Variants in ACYP2 observed in about 807,000 individuals in gnomAD.
ACYP2 encodes acylphosphatase-2.
In ACYP2, 12 loss-of-function variants were observed where a neutral mutation model predicts 11.2. That is an observed-to-expected ratio of 1.08 (90% CI 0.69 to 1.74). ACYP2 has a LOEUF of 1.74. ACYP2 is among the 40% of genes most tolerant of loss of function. The probability of loss-of-function intolerance (pLI) is 0.00; values close to 1 mark genes in which losing one functional copy is unlikely to be tolerated. For synonymous variants in ACYP2, 43 were observed against 32.2 expected, an observed-to-expected ratio of 1.33 and a Z score of -1.13; for missense variants, 134 against 101.9, an observed-to-expected ratio of 1.31 and a Z score of -1.35.
At chr2:54,202,663 C>T (rs903418290) in intron 6 of ACYP2, among the ~76,000 whole-genome samples, 19 of 143,932 alleles carry the variant, frequency 1.3e-4, no homozygotes, top group African/African-American at 4.6e-4. Flanking sequence ...CTGCCTCAGT[C>T]TCCCAAAGTG....
In ACYP2 at chr2:54,288,700, C is replaced by T. The variant is rs756772672; in HGVS notation, c.405-15988C>T. Among the ~76,000 whole-genome samples, 14 of 152,152 alleles carry T rather than the reference C, an allele frequency of 9.2e-5. No homozygotes were observed. In the Middle Eastern group the frequency reaches 0.017, roughly 185 times the overall value. On this transcript the variant is annotated intron_variant, in intron 6 of 6. Transcript: ENST00000607452. ...GATCAATTCCTTGACCAGAGAAGAG[C>T]TTTGGCAACTCCACCGATGTAACGG... is the stretch of plus-strand genomic sequence containing the variant.
At chr2:54,170,945 A>G (rs140508965) in intron 6 of ACYP2, among the ~76,000 whole-genome samples, 1 of 152,246 alleles carries the variant, frequency 6.6e-6, no homozygotes, top group East Asian at 1.9e-4. Context: ...ATCCAAGTCA[A>G]TCACAGGGAA....
At chr2:54,232,074 T>C (rs1727506) in intron 6 of ACYP2, among the ~76,000 whole-genome samples, 38,941 of 152,062 alleles carry the variant, frequency 0.26, 5,244 homozygotes, top group South Asian at 0.46. Flanking sequence ...ACCATATTAG[T>C]TAGGAGGCTG....
At chr2:54,129,748 C>A (rs1365098363) in intron 4 of ACYP2, among the ~76,000 whole-genome samples, 1 of 149,366 alleles carries the variant, frequency 6.7e-6, no homozygotes, top group Non-Finnish European at 1.5e-5. Context: ...GAGATTCTTT[C>A]CAGAACTTTG....
intron 6 of ACYP2, among the ~76,000 whole-genome samples, chr2:54,140,732 A>G (rs1681557206): frequency 1.3e-5 from 2 of 152,110 alleles, no homozygotes; most frequent in Admixed American, 1.3e-4. Flanking sequence ...CACAATATAT[A>G]GATTTATTAT....
At chr2:54,137,813 G>C (rs536534954) in intron 5 of ACYP2, among the ~76,000 whole-genome samples, 1 of 152,080 alleles carries the variant, frequency 6.6e-6, no homozygotes, top group Non-Finnish European at 1.5e-5. Context: ...TGGAATTGCC[G>C]GGTCACATTG....
chr2:54,076,518 A>G (rs1558511649), intron 4 of ACYP2, among the ~76,000 whole-genome samples: 1 of 152,206 alleles, frequency 6.6e-6, no homozygotes, highest in African/African-American at 2.4e-5. Context: ...CCCAGACAAT[A>G]ATGTACTAAA....
chr2:54,029,573 G>C, intron 2 of ACYP2: 1 of 395,412 alleles, frequency 2.5e-6, no homozygotes, highest in Non-Finnish European at 4.9e-6. Context: ...GAGCTGACTG[G>C]TGCTTCAGTT....
intron 2 of ACYP2, among the ~76,000 whole-genome samples, chr2:54,032,195 C>T (rs1337875886): frequency 6.6e-6 from 1 of 152,128 alleles, no homozygotes; most frequent in Non-Finnish European, 1.5e-5. Flanking sequence ...TCATGAAGTC[C>T]TTGCCCATGC....
At chr2:54,221,520 C>CTT (rs548466074) in intron 6 of ACYP2, among the ~76,000 whole-genome samples, 5,205 of 127,202 alleles carry the variant, frequency 0.041, 194 homozygotes, top group African/African-American at 0.075. Flanking sequence ...GAATAAAATT[C>CTT]TTTTTTTTTT....
At chr2:54,074,903 C>G (rs1033726669) in intron 4 of ACYP2, among the ~76,000 whole-genome samples, 2 of 152,154 alleles carry the variant, frequency 1.3e-5, no homozygotes, top group Admixed American at 6.6e-5. Context: ...TCAAAATCCA[C>G]TGATGTAAGT....
intron 2 of ACYP2, among the ~76,000 whole-genome samples, chr2:53,997,048 G>A (rs909590500): frequency 6.6e-6 from 1 of 152,124 alleles, no homozygotes; most frequent in African/African-American, 2.4e-5. Flanking sequence ...GTCAACATAT[G>A]TGGAACCTAT....
intron 6 of ACYP2, among the ~76,000 whole-genome samples, chr2:54,215,803 A>G (rs1195899759): frequency 6.6e-6 from 1 of 152,332 alleles, no homozygotes; most frequent in Admixed American, 6.5e-5. Context: ...GTATTTATGT[A>G]TAAAATAAAT....
At chr2:54,192,274 T>C (rs920168084) in intron 6 of ACYP2, among the ~76,000 whole-genome samples, 1 of 152,182 alleles carries the variant, frequency 6.6e-6, no homozygotes, top group Non-Finnish European at 1.5e-5. Context: ...GTTAGAATAT[T>C]CTTTCTTTAA....
intron 2 of ACYP2, among the ~76,000 whole-genome samples, chr2:53,986,200 C>T (rs1361251947): frequency 1.3e-5 from 2 of 152,040 alleles, no homozygotes; most frequent in African/African-American, 4.8e-5. Flanking sequence ...CTGTTGCCTC[C>T]TCTCTCACCA....
intron 4 of ACYP2, 146 bp downstream of exon 1, chr2:54,115,902 A>T (rs9807941): frequency 3.6e-6 from 4 of 1,100,608 alleles, no homozygotes; most frequent in African/African-American, 2.2e-5. Flanking sequence ...GGCGGCGGGG[A>T]GGGAGGCGAA....
At chr2:54,043,726 A>G (rs948737325) in intron 2 of ACYP2, among the ~76,000 whole-genome samples, 2 of 152,156 alleles carry the variant, frequency 1.3e-5, no homozygotes, top group African/African-American at 4.8e-5. Flanking sequence ...CTGGTTACTT[A>G]TATGTATCCA....
intron 2 of ACYP2, among the ~76,000 whole-genome samples, chr2:53,986,029 G>A (rs778969601): frequency 5.9e-5 from 9 of 152,068 alleles, no homozygotes; most frequent in Non-Finnish European, 7.4e-5. Context: ...CCAGCTCCTC[G>A]CAAGGCTGAG....
intron 6 of ACYP2, among the ~76,000 whole-genome samples, chr2:54,147,379 C>G (rs746869273): frequency 6.6e-6 from 1 of 152,104 alleles, no homozygotes; most frequent in Non-Finnish European, 1.5e-5. Context: ...TCTATGCGTT[C>G]TGTCTTCTGC....
Sources: gnomAD v4.1 joint callset for allele counts (sites outside exome capture counted in the v4.1 genomes callset) on GRCh38, gnomAD v4.1.1 for gene constraint, MANE v1.5 for transcripts, NCBI Gene and HGNC (gene_info 2026-07-23, HGNC 2026-07-21) for gene names.